Variants in TENM3 observed in about 807,000 individuals in gnomAD.
TENM3 encodes teneurin transmembrane protein 3.
Under a neutral mutation model 255.1 loss-of-function variants are expected in TENM3, and 63 were observed. The observed-to-expected ratio is 0.25, with a 90% CI of 0.20 to 0.30. The LOEUF is 0.30. TENM3 is among the 10% of genes least tolerant of loss of function. The pLI is 1.00. For synonymous variants in TENM3, 1,306 were observed against 1,322.3 expected (o/e 0.99, Z 0.27); for missense variants, 2,929 against 3,461.1 (o/e 0.85, Z 3.86).
intron 1 of TENM3, among the ~76,000 whole-genome samples, chr4:182,281,616 G>A (rs1168495111): frequency 2.0e-5 from 3 of 151,980 alleles, no homozygotes; most frequent in Non-Finnish European, 4.4e-5. Context: ...CAGACTCCTG[G>A]GCAGCTAGGA....
the TENM3 span, among the ~76,000 whole-genome samples, chr4:181,876,053 A>T: frequency 6.6e-6 from 1 of 152,206 alleles, no homozygotes; most frequent in African/African-American, 2.4e-5. Flanking sequence ...CTGGCCATGG[A>T]GTCCATGCCT....
Position 182,736,839 on chromosome 4 carries a change from C to T in TENM3, c.2999C>T (p.Thr1000Ile). 1 of 1,613,594 alleles carries T rather than the reference C, an allele frequency of 6.2e-7. No individual in the cohort carries two copies. The highest frequency in any genetic ancestry group is 1.3e-5 in the African/African-American group (1 of 75,000). The change falls in exon 17 of 28, where the codon ACA (threonine) becomes ATA (isoleucine). Residue 1000 changes from threonine to isoleucine, a missense_variant. Physicochemically the swap from Thr to Ile is moderately conservative, Grantham distance 89. Transcript: ENST00000511685. ...CACGAGGAAACTACAATTCCAGGAACAGATTTGAAACTCTCCTACTTGAGT... is the reference window on the plus strand; with the variant it reads ...CACGAGGAAACTACAATTCCAGGAATAGATTTGAAACTCTCCTACTTGAGT... ...VLHEETTIPG[T>I]DLKLSYLSSR...
intron 3 of TENM3, 107 bp downstream of exon 3, chr4:182,347,036 C>T: frequency 1.1e-6 from 1 of 929,448 alleles, no homozygotes; most frequent in Non-Finnish European, 1.6e-6. Context: ...TCTCATCCTT[C>T]TTTCTCTCTC....
intron 3 of TENM3, among the ~76,000 whole-genome samples, chr4:182,417,597 A>G (rs1770485052): frequency 6.6e-6 from 1 of 152,222 alleles, no homozygotes; most frequent in Non-Finnish European, 1.5e-5. Flanking sequence ...GGAAGGACTT[A>G]GTATCTAATA....
chr4:182,439,240 C>G (rs1772272985), intron 3 of TENM3, among the ~76,000 whole-genome samples: 1 of 152,196 alleles, frequency 6.6e-6, no homozygotes, highest in East Asian at 1.9e-4. Flanking sequence ...GCCTCTGACT[C>G]TACCTGTTTT....
At chr4:181,828,224 C>G in the TENM3 span, among the ~76,000 whole-genome samples, 2 of 152,214 alleles carry the variant, frequency 1.3e-5, no homozygotes, top group Non-Finnish European at 2.9e-5. Flanking sequence ...TCCCTTACTG[C>G]CAAGGTTGCC....
chr4:181,582,537 C>T, the TENM3 span, among the ~76,000 whole-genome samples: 62 of 151,978 alleles, frequency 4.1e-4, no homozygotes, highest in African/African-American at 1.5e-3. Flanking sequence ...ATCCCAGCTA[C>T]TCGGGAGGCT....
chr4:181,997,893 T>C, the TENM3 span, among the ~76,000 whole-genome samples: 1 of 152,242 alleles, frequency 6.6e-6, no homozygotes, highest in Non-Finnish European at 1.5e-5. Context: ...ATTTATAATC[T>C]TATTCAAACA....
chr4:182,366,748 A>C (rs1423345649), intron 3 of TENM3, among the ~76,000 whole-genome samples: 1 of 152,192 alleles, frequency 6.6e-6, no homozygotes. Flanking sequence ...ATACACAGCC[A>C]CTAGGAGTGT....
At chr4:181,522,705 G>T in the TENM3 span, 1 of 676,156 alleles carries the variant, frequency 1.5e-6, no homozygotes, top group South Asian at 1.4e-5. Context: ...TCATTATTTT[G>T]AAAAAGATGT....
intron 22 of TENM3, chr4:182,772,500 T>G (rs1227555482): frequency 1.3e-5 from 2 of 152,236 alleles, no homozygotes; most frequent in East Asian, 3.9e-4. Context: ...AATCCACCCT[T>G]TAGTATATTG....
chr4:182,774,983 C>T lies in TENM3; in HGVS notation c.5134C>T (p.Leu1712=), dbSNP rs1371608473. Residue 1712 remains leucine, a synonymous_variant, in exon 24 of 28, where the codon CTG becomes TTG. Transcript: ENST00000511685. ...GSLRIIYASG[L]DSHYQTEPHV... The stretch of plus-strand genomic sequence containing the variant: ...CCTCAGAATTATCTACGCCAGTGGC[C>T]TGGACTCACACTACCAAACAGAGCC... 2 of 1,613,946 alleles carry T rather than the reference C, an allele frequency of 1.2e-6. No individual in the cohort carries two copies. Among genetic ancestry groups the T allele is most frequent in the South Asian group, 2.2e-5 (2 of 91,068 alleles).
chr4:182,249,143 A>G (rs1384421902), intron 1 of TENM3, among the ~76,000 whole-genome samples: 2 of 152,214 alleles, frequency 1.3e-5, no homozygotes, highest in African/African-American at 4.8e-5. Flanking sequence ...AATAAGTGGT[A>G]GAGGACATGC....
At chr4:181,739,774 G>T in the TENM3 span, among the ~76,000 whole-genome samples, 1 of 152,164 alleles carries the variant, frequency 6.6e-6, no homozygotes, top group African/African-American at 2.4e-5. Flanking sequence ...GTTTTAAGAT[G>T]TCGGTTTTCT....
At chr4:181,994,350 G>T in the TENM3 span, among the ~76,000 whole-genome samples, 2 of 152,006 alleles carry the variant, frequency 1.3e-5, no homozygotes, top group Non-Finnish European at 2.9e-5. Context: ...GATACAATAA[G>T]GATGTCTTAA....
the TENM3 span, among the ~76,000 whole-genome samples, chr4:181,448,251 CCGCCTCCCGGGTTCA>C: frequency 7.0e-6 from 1 of 143,852 alleles, no homozygotes; most frequent in East Asian, 2.3e-4. Flanking sequence ...ACTGCAAGCT[CCGCCTCCCGGGTTCA>C]CGCCATTCTC....
chr4:182,160,590 G>A (rs1751072638), intron 1 of TENM3, among the ~76,000 whole-genome samples: 1 of 152,160 alleles, frequency 6.6e-6, no homozygotes, highest in Non-Finnish European at 1.5e-5. Context: ...GTATCATGCA[G>A]AGAGACCAAT....
At chr4:182,100,714 T>TATATATACACAC in the TENM3 span, among the ~76,000 whole-genome samples, 89 of 6,830 alleles carry the variant, frequency 0.013, 3 homozygotes, top group Non-Finnish European at 4.6e-3. Flanking sequence ...TATACACACA[T>TATATATACACAC]ATATATACAC....
At chr4:182,191,084 A>G (rs1753487774) in intron 1 of TENM3, among the ~76,000 whole-genome samples, 1 of 152,178 alleles carries the variant, frequency 6.6e-6, no homozygotes, top group East Asian at 1.9e-4. Flanking sequence ...TATGCTTTGA[A>G]ATTATTTTAT....
Sources: allele counts gnomAD v4.1 joint callset (sites outside exome capture counted in the v4.1 genomes callset), GRCh38; gene constraint gnomAD v4.1.1; transcripts MANE v1.5; gene names NCBI Gene and HGNC (gene_info 2026-07-23, HGNC 2026-07-21).